The following CLK2 variants were observed in gnomAD, a reference collection of about 807,000 sequenced individuals.
CLK2 encodes the protein dual specificity protein kinase CLK2.
CLK2 carries 12 observed loss-of-function variants against 73.5 expected under a neutral mutation model. The ratio of observed to expected loss-of-function variants is 0.16; its 90% CI spans 0.10 to 0.26. CLK2 has a LOEUF of 0.26. CLK2 is among the 10% of genes least tolerant of loss of function. The pLI is 1.00. For synonymous variants in CLK2, 232 were observed against 237.9 expected, an observed-to-expected ratio of 0.98 and a Z score of 0.23; for missense variants, 509 against 688.4, an observed-to-expected ratio of 0.74 and a Z score of 2.92.
In CLK2 at chr1:155,263,158, A is replaced by G; in HGVS notation, c.*60T>C. 6.7e-7 allele frequency: 1 copy of G among 1,497,034 alleles called. No individual in the cohort carries two copies. The highest frequency in any genetic ancestry group is 1.3e-5 in the South Asian group (1 of 78,208). 92.7% of individuals were successfully genotyped at this position (1,497,034 alleles called of 1,614,324 possible). ...TCGTTCTCTTGTATAAAAAAGCACC[A>G]GTGTCCTGGACTGGACACCCACTGC... On this transcript the variant is annotated 3_prime_UTR_variant, in exon 13 of 13. Coordinates refer to ENST00000368361, the MANE Select transcript of CLK2 (RefSeq NM_001294338.2).
At chr1:155,272,440 A>C (rs1274515242) in intron 1 of CLK2, among the ~76,000 whole-genome samples, 1 of 152,142 alleles carries the variant, frequency 6.6e-6, no homozygotes, top group Non-Finnish European at 1.5e-5. Flanking sequence ...GAGAAAAATC[A>C]CTGTCACAAT....
Position 155,263,978 on chromosome 1 carries a change from T to C in CLK2, c.1289A>G (p.Tyr430Cys), listed in dbSNP as rs959560795. Reference sequence around the variant, plus strand: ...CAGCGGTTTGCAGTTCTCACGAACATAGCGCCCAGCTGATGTGTTCTCATC... The same window carrying C: ...CAGCGGTTTGCAGTTCTCACGAACACAGCGCCCAGCTGATGTGTTCTCATC... ...DWDENTSAGRYVRENCKPLRR... is the reference protein window; with the variant it reads ...DWDENTSAGRCVRENCKPLRR... The change falls in exon 12 of 13, where the codon TAT becomes TGT. Residue 430 changes from tyrosine to cysteine, a missense_variant. Tyr to Cys is a radical substitution (Grantham distance 194). Around this residue, in one of 6 missense-constraint regions of CLK2, gnomAD observed 134 missense variants for 146.0 expected, o/e 0.92. Transcript: ENST00000368361. 1 of 1,614,182 alleles carries C rather than the reference T, an allele frequency of 6.2e-7. No homozygotes were observed. Among genetic ancestry groups the C allele is most frequent in the Non-Finnish European group, 8.5e-7 (1 of 1,180,030 alleles).
At chr1:155,267,123 C>T (rs1217189910) in intron 6 of CLK2, among the ~76,000 whole-genome samples, 1 of 152,112 alleles carries the variant, frequency 6.6e-6, no homozygotes, top group East Asian at 1.9e-4. Flanking sequence ...GAGATGGCGT[C>T]TCACTCTGTC....
chr1:155,267,844 C>A (rs765160538), intron 6 of CLK2, among the ~76,000 whole-genome samples, 166 bp downstream of exon 6: 2 of 144,752 alleles, frequency 1.4e-5, no homozygotes, highest in African/African-American at 5.7e-5. Context: ...TGTCATGGGC[C>A]CCCCCCCTTT....
intron 9 of CLK2, 32 bp from the exon 10 acceptor site, chr1:155,264,582 G>A: frequency 1.2e-6 from 2 of 1,614,236 alleles, no homozygotes; most frequent in Middle Eastern, 1.7e-4. Flanking sequence ...AAGGTGTTAT[G>A]AGGCTTAGGT....
At chr1:155,270,681 T>C (rs1468147561) in intron 2 of CLK2, 127 bp downstream of exon 2, 1 of 1,078,104 alleles carries the variant, frequency 9.3e-7, no homozygotes, top group East Asian at 2.4e-5. Context: ...TCTTTGGTTA[T>C]CTATCCCGAC....
In CLK2 at chr1:155,268,861, T is replaced by TGGGGGGGGGGGGGGGG; in HGVS notation, c.400-67_400-66insCCCCCCCCCCCCCCCC. ...GAGCGGGGGCCGGAGGGAGGCGGGG[T>TGGGGGGGGGGGGGGGG]GGGTGGTAGAGGGGTCACCGGTCAC... On this transcript the variant is annotated intron_variant, in intron 3 of 12. Coordinates refer to ENST00000368361, the MANE Select transcript of CLK2 (RefSeq NM_001294338.2). The surrounding 1 kb of genome is among the most constrained non-coding windows in gnomAD (Gnocchi z 5.6). 1 of 237,798 alleles carries TGGGGGGGGGGGGGGGG rather than the reference T, an allele frequency of 4.2e-6. No homozygotes were observed. Among genetic ancestry groups the TGGGGGGGGGGGGGGGG allele is most frequent in the Non-Finnish European group, 7.5e-6 (1 of 134,188 alleles). 14.7% of individuals were successfully genotyped at this position (237,798 alleles called of 1,614,324 possible). A position where few individuals can be genotyped will look rare whatever the true frequency, so the allele number is the denominator to read the frequency against.
chr1:155,272,017 T>G (rs1673533534), intron 1 of CLK2, among the ~76,000 whole-genome samples: 1 of 36,318 alleles, frequency 2.8e-5, no homozygotes, highest in Non-Finnish European at 5.5e-5. Flanking sequence ...GTTTCTTGTG[T>G]TTTTTTTTTT....
intron 1 of CLK2, among the ~76,000 whole-genome samples, chr1:155,271,415 G>A (rs1360094295): frequency 7.2e-5 from 11 of 152,074 alleles, no homozygotes; most frequent in Non-Finnish European, 1.5e-4. Context: ...TAGTAGAGAC[G>A]GGGTTTCACC....
intron 2 of CLK2, among the ~76,000 whole-genome samples, chr1:155,270,205 A>C (rs1673432629): frequency 1.7e-5 from 1 of 58,630 alleles, no homozygotes; most frequent in African/African-American, 1.7e-4. Flanking sequence ...TAAAAATACA[A>C]AAAAAAAAAA....
At chr1:155,271,652 G>T (rs1436281767) in intron 1 of CLK2, among the ~76,000 whole-genome samples, 2 of 152,218 alleles carry the variant, frequency 1.3e-5, no homozygotes, top group African/African-American at 4.8e-5. Context: ...TCCCCGTTCA[G>T]GATCTAAGAT....
chr1:155,265,580 A>C (rs886203848), intron 8 of CLK2, among the ~76,000 whole-genome samples: 5 of 149,790 alleles, frequency 3.3e-5, no homozygotes, highest in Non-Finnish European at 7.4e-5. Flanking sequence ...TAAATAAATA[A>C]ATAAATAAAT....
At position 155,268,687 on chromosome 1, in the gene CLK2, T is replaced by C; in HGVS notation, c.487+21A>G. On this transcript the variant is annotated intron_variant, in intron 4 of 12. Transcript: ENST00000368361. This position sits in a 1 kb window ranked among gnomAD's most constrained non-coding sequence, Gnocchi z 5.6. ...TATGGGACCATTACAGGCTATAGGA[T>C]TGTTACGATTTGGCTTGTACATCGC... 1.2e-6 allele frequency: 2 copies of C among 1,607,380 alleles called. No individual in the cohort carries two copies. Among genetic ancestry groups the C allele is most frequent in the Non-Finnish European group, 1.7e-6 (2 of 1,173,976 alleles).
intron 8 of CLK2, 30 bp downstream of exon 8, chr1:155,265,830 G>T: frequency 6.8e-7 from 1 of 1,464,338 alleles, no homozygotes; most frequent in Non-Finnish European, 9.6e-7. Flanking sequence ...CCTGCCCCCA[G>T]TAACCAAGGG....
chr1:155,265,819 G>T, intron 8 of CLK2, 41 bp downstream of exon 8: 1 of 1,309,020 alleles, frequency 7.6e-7, no homozygotes, highest in Non-Finnish European at 1.1e-6. Context: ...TGGTGCAGCT[G>T]CCTGCCCCCA....
In CLK2 at chr1:155,268,516, C is replaced by A; in HGVS notation, c.488-157G>T. 1 of 778,286 alleles carries A rather than the reference C, an allele frequency of 1.3e-6. No homozygotes were observed. Among genetic ancestry groups the A allele is most frequent in the Non-Finnish European group, 2.2e-6 (1 of 457,772 alleles). 48.2% of individuals were successfully genotyped at this position (778,286 alleles called of 1,614,324 possible). On this transcript the variant is annotated intron_variant, in intron 4 of 12. Transcript: ENST00000368361. This position sits in a 1 kb window ranked among gnomAD's most constrained non-coding sequence, Gnocchi z 5.6. ...GGGAAGAAAACCCCTGCGTGATTCCCACCACCTTTAACCCAGGGGCCGTGA... is the reference window on the plus strand; with the variant it reads ...GGGAAGAAAACCCCTGCGTGATTCCAACCACCTTTAACCCAGGGGCCGTGA...
Position 155,270,834 on chromosome 1 carries a change from C to T in CLK2, c.144G>A (p.Glu48=), listed in dbSNP as rs757135453. 2 of 1,612,010 alleles carry T rather than the reference C, an allele frequency of 1.2e-6. No individual in the cohort carries two copies. Among genetic ancestry groups the T allele is most frequent in the South Asian group, 2.2e-5 (2 of 91,048 alleles). ...SSDRTRRRRR[E]DSYHVRSRSS... Reference sequence around the variant, plus strand: ...TTCGAGAACGGACATGGTAGCTGTCCTCTCGCCGACGCCGTCGTGTCCGGT... The same window carrying T: ...TTCGAGAACGGACATGGTAGCTGTCTTCTCGCCGACGCCGTCGTGTCCGGT... The change falls in exon 2 of 13, where the codon GAG becomes GAA. Residue 48 remains glutamate (E), a synonymous_variant. Transcript: ENST00000368361.
In CLK2 at chr1:155,270,848, G is replaced by C; in HGVS notation, c.130C>G (p.Arg44Gly). 6.2e-7 allele frequency: 1 copy of C among 1,613,442 alleles called. No homozygotes were observed. Among genetic ancestry groups the C allele is most frequent in the Non-Finnish European group, 8.5e-7 (1 of 1,179,380 alleles). ...SWSSSSDRTR[R>G]RRREDSYHVR... The stretch of plus-strand genomic sequence containing the variant: ...TGGTAGCTGTCCTCTCGCCGACGCC[G>C]TCGTGTCCGGTCACTACTACTTGAC... Residue 44 changes from arginine to glycine, a missense_variant, in exon 2 of 13, where the codon CGG becomes GGG. Arg to Gly is a moderately radical substitution (Grantham distance 125). Coordinates refer to ENST00000368361, the MANE Select transcript of CLK2 (RefSeq NM_001294338.2).
Position 155,269,595 on chromosome 1 carries a change from A to C in CLK2, c.292T>G (p.Ser98Ala). 6.2e-7 allele frequency: 1 copy of C among 1,614,202 alleles called. No individual in the cohort carries two copies. Among genetic ancestry groups the C allele is most frequent in the Non-Finnish European group, 8.5e-7 (1 of 1,180,038 alleles). ...CTGTTCTCCCGCTGATATTCATAGG[A>C]ATGCCGATAGTCTGTGTCATAGTAG... ...DAYYDTDYRHSYEYQRENSSY... is the reference protein window; with the variant it reads ...DAYYDTDYRHAYEYQRENSSY... The change falls in exon 3 of 13, where the codon TCC (serine) becomes GCC (alanine). Residue 98 changes from serine (S) to alanine (A), a missense_variant. Coordinates refer to ENST00000368361, the MANE Select transcript of CLK2 (RefSeq NM_001294338.2).
Sources: gnomAD v4.1 joint callset for allele counts (sites outside exome capture counted in the v4.1 genomes callset) on GRCh38, gnomAD v4.1.1 for gene constraint, gnomAD v4.1.1 regional missense constraint, Gnocchi (gnomAD v3.1) non-coding constraint, MANE v1.5 for transcripts, NCBI Gene and HGNC (gene_info 2026-07-23, HGNC 2026-07-21) for gene names.